The following AUTS2 variants were observed in gnomAD, a reference collection of about 807,000 sequenced individuals.
AUTS2 encodes autism susceptibility gene 2 protein.
In AUTS2, 17 loss-of-function variants were observed where a neutral mutation model predicts 112.4. That is an observed-to-expected ratio of 0.15 (90% CI 0.10 to 0.23). The LOEUF (loss-of-function observed/expected upper bound fraction) is 0.23, where lower values mean the gene tolerates loss of function less well. AUTS2 is among the 10% of genes least tolerant of loss of function. AUTS2 has a pLI of 1.00. For synonymous variants in AUTS2, 751 were observed against 702.7 expected, an observed-to-expected ratio of 1.07 and a Z score of -1.09; for missense variants, 1,510 against 1,701.6, an observed-to-expected ratio of 0.89 and a Z score of 1.98.
chr7:70,477,791 TGGG>T (rs1797638385), intron 5 of AUTS2, among the ~76,000 whole-genome samples: 1 of 152,076 alleles, frequency 6.6e-6, no homozygotes, highest in Non-Finnish European at 1.5e-5. Context: ...TGATGTGTAC[TGGG>T]AATCCACAAG....
intron 4 of AUTS2, among the ~76,000 whole-genome samples, chr7:70,135,300 G>T (rs1584773995): frequency 6.6e-6 from 1 of 151,988 alleles, no homozygotes; most frequent in East Asian, 1.9e-4. Flanking sequence ...AGATACAAAT[G>T]AAAAAGAGTG....
In AUTS2 at chr7:70,764,888, C is replaced by T; in HGVS notation, c.1351C>T (p.Pro451Ser). The T allele has an allele frequency of 1.2e-6, 2 of 1,608,292 alleles. No homozygotes were observed. The highest frequency in any genetic ancestry group is 4.5e-5 in the East Asian group (2 of 44,606). Residue 451 changes from proline to serine, a missense_variant, in exon 8 of 19, where the codon CCC becomes TCC. By Grantham distance (74) the Pro-to-Ser change is moderately conservative. Coordinates refer to ENST00000342771, the MANE Select transcript of AUTS2 (RefSeq NM_015570.4). ...CAGCTTCACACCCACCCTCCAGCCC[C>T]CCGCACACTCACATCACCCCAATAT... Reference protein sequence around the residue: ...LHSFTPTLQPPAHSHHPNMFA... With the variant: ...LHSFTPTLQPSAHSHHPNMFA...
At chr7:70,552,123 C>T (rs1319337546) in intron 5 of AUTS2, among the ~76,000 whole-genome samples, 1 of 151,860 alleles carries the variant, frequency 6.6e-6, no homozygotes, top group East Asian at 1.9e-4. Flanking sequence ...TGTGCATGTG[C>T]GTGTGTGTTT....
chr7:70,648,143 A>G (rs1057305369), intron 5 of AUTS2, among the ~76,000 whole-genome samples: 18 of 152,300 alleles, frequency 1.2e-4, no homozygotes, highest in Middle Eastern at 6.8e-3. Context: ...GGTTCCATGA[A>G]CTAAAACACA....
At position 70,790,715 on chromosome 7, in the gene AUTS2, C is replaced by G. The variant is rs1214271334; in HGVS notation, c.3499C>G (p.Leu1167Val). 1 of 1,613,518 alleles carries G rather than the reference C, an allele frequency of 6.2e-7. No homozygotes were observed. The highest frequency in any genetic ancestry group is 8.5e-7 in the Non-Finnish European group (1 of 1,179,976). The change falls in exon 19 of 19, where the codon CTC (leucine) becomes GTC (valine). Residue 1167 changes from leucine to valine, a missense_variant. This residue lies in a region of AUTS2 where 788 missense variants were observed against 797.6 expected (regional missense o/e 0.99). Transcript: ENST00000342771. The surrounding 1 kb of genome is among the most constrained non-coding windows in gnomAD (Gnocchi z 7.6). ...CAGAGAAGACTACGAGCACACGCGGCTCCACTCCGTGCACCCCGCCTCCCT... is the reference window on the plus strand; with the variant it reads ...CAGAGAAGACTACGAGCACACGCGGGTCCACTCCGTGCACCCCGCCTCCCT... ...MLREDYEHTR[L>V]HSVHPASLDG...
intron 1 of AUTS2, among the ~76,000 whole-genome samples, chr7:69,720,003 A>G (rs184064779): frequency 5.4e-4 from 82 of 152,366 alleles, no homozygotes; most frequent in Middle Eastern, 3.4e-3. Context: ...ATGGAATCCA[A>G]TTAAAAGGAA....
At chr7:70,370,117 G>A (rs1043410205) in intron 4 of AUTS2, among the ~76,000 whole-genome samples, 2 of 152,158 alleles carry the variant, frequency 1.3e-5, no homozygotes, top group Non-Finnish European at 2.9e-5. Context: ...TCCAACACAG[G>A]CATCAAAGGA....
At chr7:70,081,866 GAAAAATCC>G (rs1373763592) in intron 2 of AUTS2, among the ~76,000 whole-genome samples, 1 of 152,016 alleles carries the variant, frequency 6.6e-6, no homozygotes, top group African/African-American at 2.4e-5. Flanking sequence ...TGTGAAGAAT[GAAAAATCC>G]AGTTGATGCC....
Position 69,983,416 on chromosome 7 carries a change from T to C in AUTS2, c.522+83918T>C, listed in dbSNP as rs865812069. ...TGTAGCTCTTTATTCTCTCAAGTTA[T>C]TGTTTTTGTTCTCATCATCTGAGTT... On this transcript the variant is annotated intron_variant, in intron 2 of 18. Coordinates refer to ENST00000342771, the MANE Select transcript of AUTS2 (RefSeq NM_015570.4). 4.0e-4 allele frequency among the ~76,000 whole-genome samples: 61 copies of C among 152,216 alleles called. 1 individual carries two copies. Among genetic ancestry groups the C allele is most frequent in the African/African-American group, 1.3e-3 (55 of 41,522 alleles).
intron 4 of AUTS2, among the ~76,000 whole-genome samples, chr7:70,290,072 A>G (rs1788639576): frequency 6.6e-6 from 1 of 152,214 alleles, no homozygotes. Flanking sequence ...GAGTATAGAA[A>G]CCAGCAATTT....
chr7:69,830,237 G>C (rs2129527405), intron 1 of AUTS2, among the ~76,000 whole-genome samples: 1 of 152,192 alleles, frequency 6.6e-6, no homozygotes, highest in African/African-American at 2.4e-5. Context: ...AGCAGTGTGG[G>C]AGGAGGCAAG....
At chr7:70,758,073 C>T (rs913345949) in intron 6 of AUTS2, among the ~76,000 whole-genome samples, 13 of 152,150 alleles carry the variant, frequency 8.5e-5, no homozygotes, top group African/African-American at 1.9e-4. Flanking sequence ...TGAGCCGCTG[C>T]GCCCAGCCAC....
chr7:70,003,157 A>ATATATTCATATATAT (rs1799278356), intron 2 of AUTS2, among the ~76,000 whole-genome samples: 1 of 137,896 alleles, frequency 7.3e-6, no homozygotes, highest in African/African-American at 2.7e-5. Flanking sequence ...ACTATATTAT[A>ATATATTCATATATAT]TATATTCATA....
chr7:69,821,805 A>C (rs1419048642), intron 1 of AUTS2, among the ~76,000 whole-genome samples: 1 of 151,096 alleles, frequency 6.6e-6, no homozygotes, highest in Non-Finnish European at 1.5e-5. Context: ...AGTCCAAGCT[A>C]CTCCAGAGGC....
At chr7:70,370,199 A>G (rs568523985) in intron 4 of AUTS2, among the ~76,000 whole-genome samples, 3 of 152,146 alleles carry the variant, frequency 2.0e-5, no homozygotes, top group Non-Finnish European at 2.9e-5. Context: ...TCACCCACTT[A>G]AGGTATACAC....
intron 4 of AUTS2, among the ~76,000 whole-genome samples, chr7:70,309,891 G>A (rs1277941232): frequency 1.3e-5 from 2 of 152,166 alleles, no homozygotes; most frequent in Non-Finnish European, 2.9e-5. Context: ...ACGGACCTAA[G>A]AGGGGAGAGG....
At chr7:69,733,389 C>T (rs1011238464) in intron 1 of AUTS2, among the ~76,000 whole-genome samples, 1 of 152,074 alleles carries the variant, frequency 6.6e-6, no homozygotes, top group Non-Finnish European at 1.5e-5. Flanking sequence ...TCAGAGTCTT[C>T]GATTACATGA....
At chr7:70,618,012 A>G (rs1804470048) in intron 5 of AUTS2, among the ~76,000 whole-genome samples, 1 of 152,212 alleles carries the variant, frequency 6.6e-6, no homozygotes, top group South Asian at 2.1e-4. Context: ...GAGGAAAGAA[A>G]CCTAAGCAGA....
intron 4 of AUTS2, among the ~76,000 whole-genome samples, chr7:70,430,980 C>A (rs1450100113): frequency 6.6e-6 from 1 of 151,898 alleles, no homozygotes; most frequent in Admixed American, 6.6e-5. Flanking sequence ...GGACTACAGG[C>A]GCCCGCCAGC....
Sources: gnomAD v4.1 joint callset for allele counts (sites outside exome capture counted in the v4.1 genomes callset) on GRCh38, gnomAD v4.1.1 for gene constraint, gnomAD v4.1.1 regional missense constraint, Gnocchi (gnomAD v3.1) non-coding constraint, MANE v1.5 for transcripts, NCBI Gene and HGNC (gene_info 2026-07-23, HGNC 2026-07-21) for gene names.